The following MSH6 variants were observed in gnomAD, a reference collection of about 807,000 sequenced individuals.
The protein encoded by MSH6 is mutS homolog 6.
In MSH6, 85 loss-of-function variants were observed where a neutral mutation model predicts 119.1. The observed-to-expected ratio is 0.71, with a 90% CI of 0.60 to 0.85. The LOEUF (loss-of-function observed/expected upper bound fraction) is 0.85. Ranked by LOEUF, MSH6 falls within the 40% of genes least tolerant of loss-of-function variation. The pLI, the probability that MSH6 is intolerant of heterozygous loss-of-function variation, is 0.00. For missense variants in MSH6, 2,163 were observed against 1,655.3 expected (o/e 1.31, Z -5.32); for synonymous variants, 830 against 586.9 (o/e 1.41, Z -5.99).
At position 47,800,860 on chromosome 2, in the gene MSH6, C is replaced by T. The variant is rs781734958; in HGVS notation, c.2877C>T (p.Arg959=). The stretch of plus-strand genomic sequence containing the variant: ...TCCTGGAATACCTAGAGAAACAGCG[C>T]AACAGAATTGGCTGTAGGACCATAG... ...QSLLEYLEKQ[R]NRIGCRTIVY... The change falls in exon 4 of 10, where the codon CGC becomes CGT. Residue 959 remains arginine (R), a synonymous_variant. Transcript: ENST00000234420. 7 of 1,613,866 alleles carry T rather than the reference C, an allele frequency of 4.3e-6. No individual in the cohort carries two copies. Among genetic ancestry groups the T allele is most frequent in the Non-Finnish European group, 5.9e-6 (7 of 1,179,928 alleles).
At position 47,783,180 on chromosome 2, in the gene MSH6, G is replaced by A. The variant is rs1303652063; in HGVS notation, c.-54G>A. On this transcript the variant is annotated 5_prime_UTR_variant, in exon 1 of 10. Transcript: ENST00000234420. ...CCAGCAGGAGCCGCGCGGTAGATGC[G>A]GTGCTTTTAGGAGCTCCGTCCGACA... 2.2e-5 allele frequency: 36 copies of A among 1,602,784 alleles called. No homozygotes were observed. The highest frequency in any genetic ancestry group is 2.8e-5 in the Non-Finnish European group (33 of 1,176,112).
At chr2:47,804,547 AAAAG>A (rs1289254322) in intron 5 of MSH6, among the ~76,000 whole-genome samples, 1 of 91,730 alleles carries the variant, frequency 1.1e-5, no homozygotes, top group Admixed American at 9.9e-5. Flanking sequence ...AAAAAAAAAA[AAAAG>A]GTGCAGAGAT....
At chr2:47,790,712 A>G (rs937343884) in intron 1 of MSH6, among the ~76,000 whole-genome samples, 3 of 152,084 alleles carry the variant, frequency 2.0e-5, no homozygotes, top group East Asian at 3.8e-4. Flanking sequence ...TAACATAACT[A>G]TATTTGTGTT....
At chr2:47,788,614 G>T (rs1327653914) in intron 1 of MSH6, among the ~76,000 whole-genome samples, 1 of 139,500 alleles carries the variant, frequency 7.2e-6, no homozygotes, top group Non-Finnish European at 1.5e-5. Flanking sequence ...CTGTTACCCA[G>T]GCTGGAGTGT....
rs771662801 is a variant in MSH6 at position 47,800,137 on chromosome 2, C to T, written c.2154C>T (p.Ser718=). 8.7e-6 allele frequency: 14 copies of T among 1,614,006 alleles called. No homozygotes were observed. The Admixed American group carries it at 1.0e-4, about 12-fold the overall frequency. ...TTCCCTTGGATTCTGACACAGTCAG[C>T]ACTACAAGATCTGGTGCTATCTTCA... ...EYIPLDSDTV[S]TTRSGAIFTK... Residue 718 remains serine (S), a synonymous_variant, in exon 4 of 10, where the codon AGC becomes AGT. Coordinates refer to ENST00000234420, the MANE Select transcript of MSH6 (RefSeq NM_000179.3).
At chr2:47,803,000 C>T (rs973572677) in intron 4 of MSH6, among the ~76,000 whole-genome samples, 2 of 152,142 alleles carry the variant, frequency 1.3e-5, no homozygotes, top group Non-Finnish European at 2.9e-5. Flanking sequence ...CAACCTCTGC[C>T]TCCCAGGTTC....
At chr2:47,806,733 T>TATGAAA (rs1380699462) in intron 9 of MSH6, 46 bp from the exon 10 acceptor site, 3 of 1,530,294 alleles carry the variant, frequency 2.0e-6, no homozygotes, top group Non-Finnish European at 2.7e-6. Context: ...GATGATGCAC[T>TATGAAA]ATGAAAAAAC....
intron 3 of MSH6, among the ~76,000 whole-genome samples, chr2:47,797,536 C>T (rs1669172636): frequency 6.6e-6 from 1 of 152,212 alleles, no homozygotes; most frequent in South Asian, 2.1e-4. Flanking sequence ...AAGTTGCTTA[C>T]TGCTTTCTTA....
At chr2:47,787,357 T>G (rs1668408500) in intron 1 of MSH6, among the ~76,000 whole-genome samples, 1 of 152,172 alleles carries the variant, frequency 6.6e-6, no homozygotes, top group African/African-American at 2.4e-5. Flanking sequence ...GTAATTGACA[T>G]CAAAATTATG....
chr2:47,784,496 G>C (rs1455103859), intron 1 of MSH6: 1 of 150,540 alleles, frequency 6.6e-6, no homozygotes, highest in East Asian at 2.0e-4. Context: ...AGAGAGTTTC[G>C]CTCAAGTCCA....
chr2:47,796,179 T>A, intron 3 of MSH6, 116 bp downstream of exon 3: 4 of 1,039,496 alleles, frequency 3.8e-6, no homozygotes, highest in Non-Finnish European at 4.4e-6. Context: ...TGTATTATTT[T>A]ATTATACATA....
At chr2:47,791,851 A>G (rs1179715425) in intron 2 of MSH6, among the ~76,000 whole-genome samples, 1 of 147,250 alleles carries the variant, frequency 6.8e-6, no homozygotes, top group African/African-American at 2.5e-5. Flanking sequence ...CTATATATAT[A>G]TATTTTTTTT....
chr2:47,808,765 C>T (rs934762745), downstream of MSH6: 18 of 275,596 alleles, frequency 6.5e-5, no homozygotes, highest in South Asian at 2.0e-4. Context: ...CACTTAACCC[C>T]GACATCTTTA....
At chr2:47,784,506 A>G (rs114144926) in intron 1 of MSH6, 2,627 of 150,746 alleles carry the variant, frequency 0.017, 32 homozygotes, top group Non-Finnish European at 0.023. Flanking sequence ...GCTCAAGTCC[A>G]GGCTGGAGTG....
chr2:47,802,320 T>C (rs1026358702), intron 4 of MSH6, among the ~76,000 whole-genome samples: 1 of 152,066 alleles, frequency 6.6e-6, no homozygotes, highest in African/African-American at 2.4e-5. Flanking sequence ...TTTTATAGTT[T>C]AGGTTTATGT....
Position 47,803,485 on chromosome 2 carries a change from C to A in MSH6, c.3238C>A (p.Leu1080Met), listed in dbSNP as rs1553331335. ...GDGPMCRPVI[L>M]LPEDTPPFLE... ...TGGTCCTATGTGTCGCCCAGTAATT[C>A]TGTTGCCGGAAGATACCCCCCCCTT... Residue 1080 changes from leucine (L) to methionine (M), a missense_variant, in exon 5 of 10, where the codon CTG becomes ATG. By Grantham distance (15) the Leu-to-Met change is conservative. Coordinates refer to ENST00000234420, the MANE Select transcript of MSH6 (RefSeq NM_000179.3). 6.2e-7 allele frequency: 1 copy of A among 1,614,128 alleles called. No homozygotes were observed. The highest frequency in any genetic ancestry group is 8.5e-7 in the Non-Finnish European group (1 of 1,180,040).
intron 1 of MSH6, chr2:47,789,501 T>C (rs1234789980): frequency 6.8e-6 from 3 of 440,814 alleles, no homozygotes; most frequent in Non-Finnish European, 1.4e-5. Context: ...AATAATTCTT[T>C]TCTAATGATC....
rs372730931 is a variant in MSH6, at chr2:47,804,588, T to A, written c.3439-322T>A. The stretch of plus-strand genomic sequence containing the variant: ...CCATCCTGACATGGATTCACTTGAT[T>A]GGAATTGATTCTAGGCATCTCAGTA... On this transcript the variant is annotated intron_variant, in intron 5 of 9. Coordinates refer to ENST00000234420, the MANE Select transcript of MSH6 (RefSeq NM_000179.3). Among the ~76,000 whole-genome samples the A allele has an allele frequency of 2.4e-4, 36 of 151,460 alleles. No homozygotes were observed. The South Asian group carries it at 6.3e-3, about 26-fold the overall frequency.
chr2:47,808,786 T>G (rs1670405555), downstream of MSH6: 1 of 264,980 alleles, frequency 3.8e-6, no homozygotes, highest in Admixed American at 4.8e-5. Context: ...CCTTGAAATT[T>G]CTAGGAAAAC....
Sources: allele counts gnomAD v4.1 joint callset (sites outside exome capture counted in the v4.1 genomes callset), GRCh38; gene constraint gnomAD v4.1.1; transcripts MANE v1.5; gene names NCBI Gene and HGNC (gene_info 2026-07-23, HGNC 2026-07-21).